Variants in C7orf78 observed in about 807,000 individuals in gnomAD.
C7orf78 encodes chromosome 7 open reading frame 78, also known as putative uncharacterized protein C7orf78.
At chr7:12,491,527 A>T in the C7orf78 span, 1 of 137,336 alleles carries the variant, frequency 7.3e-6, no homozygotes, top group Admixed American at 6.8e-5. Context: ...CTCTGTGAGC[A>T]TTGCATCTGT....
At chr7:12,495,301 C>T in the C7orf78 span, among the ~76,000 whole-genome samples, 1 of 152,308 alleles carries the variant, frequency 6.6e-6, no homozygotes, top group Admixed American at 6.5e-5. Context: ...CTGTTTTGCA[C>T]AGCTCTTTCA....
At chr7:12,533,085 A>T in the C7orf78 span, among the ~76,000 whole-genome samples, 1 of 152,336 alleles carries the variant, frequency 6.6e-6, no homozygotes, top group East Asian at 1.9e-4. Flanking sequence ...TTCCTGTAGC[A>T]TAGTGGGAGC....
At chr7:12,509,121 G>T in the C7orf78 span, among the ~76,000 whole-genome samples, 2 of 152,124 alleles carry the variant, frequency 1.3e-5, no homozygotes, top group South Asian at 4.1e-4. Context: ...AAAGATTGGG[G>T]ACTGCTGAAC....
the C7orf78 span, chr7:12,507,397 A>C: frequency 5.6e-6 from 1 of 178,436 alleles, no homozygotes; most frequent in African/African-American, 2.4e-5. Context: ...GAAAGCAGAC[A>C]GCCATGAGGC....
At chr7:12,502,559 C>T in the C7orf78 span, among the ~76,000 whole-genome samples, 1 of 149,632 alleles carries the variant, frequency 6.7e-6, no homozygotes, top group Non-Finnish European at 1.5e-5. Context: ...GTTAGAATGG[C>T]AATCATTAAA....
the C7orf78 span, among the ~76,000 whole-genome samples, chr7:12,532,544 G>A: frequency 6.6e-5 from 7 of 105,980 alleles, no homozygotes; most frequent in African/African-American, 9.6e-5. Context: ...GTGAGACTCT[G>A]TTTCAAAAAA....
the C7orf78 span, among the ~76,000 whole-genome samples, chr7:12,488,153 T>G: frequency 6.6e-6 from 1 of 152,226 alleles, no homozygotes; most frequent in East Asian, 1.9e-4. Flanking sequence ...GTGCCCCTGA[T>G]AGATATTATG....
At chr7:12,534,617 A>G in the C7orf78 span, among the ~76,000 whole-genome samples, 3 of 152,190 alleles carry the variant, frequency 2.0e-5, no homozygotes, top group African/African-American at 7.2e-5. Flanking sequence ...TAATATATAA[A>G]GAACTCATGC....
At chr7:12,526,155 T>C in the C7orf78 span, among the ~76,000 whole-genome samples, 2 of 152,240 alleles carry the variant, frequency 1.3e-5, no homozygotes, top group African/African-American at 4.8e-5. Context: ...AGTGTAATGC[T>C]TAAGGGAATA....
chr7:12,502,681 C>G, the C7orf78 span, among the ~76,000 whole-genome samples: 3 of 151,928 alleles, frequency 2.0e-5, no homozygotes, highest in African/African-American at 7.3e-5. Flanking sequence ...GTGGTGATTC[C>G]TCAGGGATCT....
the C7orf78 span, among the ~76,000 whole-genome samples, chr7:12,524,399 C>T: frequency 6.6e-6 from 1 of 152,050 alleles, no homozygotes; most frequent in African/African-American, 2.4e-5. Context: ...TTATTCAGGG[C>T]ATCTAAATAT....
chr7:12,527,334 A>T, the C7orf78 span, among the ~76,000 whole-genome samples: 2 of 126,430 alleles, frequency 1.6e-5, no homozygotes, highest in Non-Finnish European at 1.6e-5. Context: ...GGAACATGTC[A>T]GCTTTCCTAG....
chr7:12,496,874 C>G, the C7orf78 span, among the ~76,000 whole-genome samples: 1 of 152,166 alleles, frequency 6.6e-6, no homozygotes. Flanking sequence ...GTCAATTCAA[C>G]TTTACTGCCG....
At chr7:12,493,213 T>A in the C7orf78 span, among the ~76,000 whole-genome samples, 1 of 152,124 alleles carries the variant, frequency 6.6e-6, no homozygotes, top group African/African-American at 2.4e-5. Context: ...AGTAAATAAA[T>A]CTATAAAATC....
At chr7:12,494,277 T>C in the C7orf78 span, among the ~76,000 whole-genome samples, 1 of 152,186 alleles carries the variant, frequency 6.6e-6, no homozygotes, top group Non-Finnish European at 1.5e-5. Flanking sequence ...TCAGCTGTGG[T>C]GCACTGTGGT....
the C7orf78 span, chr7:12,523,481 A>G: frequency 2.5e-6 from 1 of 397,278 alleles, no homozygotes. Flanking sequence ...GGAACTATGT[A>G]TTATTTTTTA....
chr7:12,511,749 T>C, the C7orf78 span, among the ~76,000 whole-genome samples: 1 of 151,676 alleles, frequency 6.6e-6, no homozygotes, highest in South Asian at 2.1e-4. Context: ...TTTGGGTTTT[T>C]GTTTTTTGTT....
the C7orf78 span, among the ~76,000 whole-genome samples, chr7:12,530,136 T>C: frequency 1.3e-5 from 2 of 152,102 alleles, no homozygotes; most frequent in Non-Finnish European, 2.9e-5. Flanking sequence ...AATTGGCAAC[T>C]GGTTGAGAGT....
At chr7:12,500,943 T>C in the C7orf78 span, among the ~76,000 whole-genome samples, 11 of 150,864 alleles carry the variant, frequency 7.3e-5, no homozygotes, top group African/African-American at 2.7e-4. Context: ...AATCAATAAA[T>C]GTAATCCAGC....
Sources: allele counts gnomAD v4.1 joint callset (sites outside exome capture counted in the v4.1 genomes callset), GRCh38; gene constraint gnomAD v4.1.1; transcripts MANE v1.5; gene names NCBI Gene and HGNC (gene_info 2026-07-23, HGNC 2026-07-21).